Variants in MRPS9 observed in about 807,000 individuals in gnomAD.
MRPS9 encodes small ribosomal subunit protein uS9m.
Under a neutral mutation model 59.9 loss-of-function variants are expected in MRPS9, and 45 were observed. The observed-to-expected ratio is 0.75, with a 90% CI of 0.59 to 0.96. The LOEUF is 0.96. Ranked by LOEUF, MRPS9 falls within the 40% of genes least tolerant of loss-of-function variation. MRPS9 has a pLI of 0.00. For missense variants in MRPS9, 473 were observed against 481.1 expected (o/e 0.98, Z 0.16); for synonymous variants, 171 against 166.8 (o/e 1.03, Z -0.19).
At chr2:105,098,299 T>C (rs4556996) in intron 10 of MRPS9, 113,513 of 152,148 alleles carry the variant, frequency 0.75, 42,819 homozygotes, top group African/African-American at 0.86. Flanking sequence ...TGTGTGCTAT[T>C]GGCGGCTGCA....
chr2:105,045,527 A>T (rs1217775395), intron 1 of MRPS9, among the ~76,000 whole-genome samples: 1 of 152,134 alleles, frequency 6.6e-6, no homozygotes, highest in Non-Finnish European at 1.5e-5. Flanking sequence ...CTAAAACTTA[A>T]ATGAAAAAGA....
At position 105,049,170 on chromosome 2, in the gene MRPS9, G is replaced by A. The variant is rs1679662974; in HGVS notation, c.136-1G>A. 1 of 1,555,984 alleles carries A rather than the reference G, an allele frequency of 6.4e-7. No individual in the cohort carries two copies. The highest frequency in any genetic ancestry group is 1.4e-5 in the African/African-American group (1 of 72,056). Reference sequence around the variant, plus strand: ...TTCTTTCCATCTATATTTTCTGTTAGATATTAAGGCTAAGACATACTGCAT... The same window carrying A: ...TTCTTTCCATCTATATTTTCTGTTAAATATTAAGGCTAAGACATACTGCAT... On this transcript the variant is annotated splice_acceptor_variant, in intron 1 of 10. Transcript: ENST00000258455. LOFTEE classifies it high-confidence loss of function.
At chr2:105,081,429 T>G (rs1478067956) in intron 5 of MRPS9, among the ~76,000 whole-genome samples, 1 of 152,240 alleles carries the variant, frequency 6.6e-6, no homozygotes, top group Admixed American at 6.5e-5. Flanking sequence ...ATTCTCTTCC[T>G]GCCTTCTGCC....
intron 1 of MRPS9, among the ~76,000 whole-genome samples, chr2:105,046,203 T>A (rs1402554446): frequency 6.6e-6 from 1 of 152,000 alleles, no homozygotes; most frequent in East Asian, 1.9e-4. Context: ...CTGTCTATAC[T>A]TTACAACCAC....
chr2:105,059,474 A>G (rs1228250829), intron 2 of MRPS9, among the ~76,000 whole-genome samples: 1 of 152,192 alleles, frequency 6.6e-6, no homozygotes, highest in African/African-American at 2.4e-5. Flanking sequence ...GCTAAACCAA[A>G]TACAAACCCA....
At chr2:105,094,535 C>A (rs1389440656) in intron 9 of MRPS9, among the ~76,000 whole-genome samples, 1 of 152,014 alleles carries the variant, frequency 6.6e-6, no homozygotes, top group Non-Finnish European at 1.5e-5. Flanking sequence ...CTTTTGATAC[C>A]AATGCTGATA....
chr2:105,053,182 T>C (rs964978802), intron 2 of MRPS9, among the ~76,000 whole-genome samples: 7 of 152,254 alleles, frequency 4.6e-5, no homozygotes, highest in Non-Finnish European at 1.0e-4. Context: ...GTGTAAGTAT[T>C]AAACATGAAT....
chr2:105,062,433 A>G (rs533333184), intron 2 of MRPS9, among the ~76,000 whole-genome samples: 1 of 152,300 alleles, frequency 6.6e-6, no homozygotes, highest in Admixed American at 6.5e-5. Context: ...AGATCTAAGT[A>G]CTGAAACACT....
chr2:105,074,916 T>A (rs1352033782), intron 4 of MRPS9, among the ~76,000 whole-genome samples: 1 of 152,146 alleles, frequency 6.6e-6, no homozygotes, highest in Non-Finnish European at 1.5e-5. Context: ...TCAAGCTCAT[T>A]ACATTTATTG....
At chr2:105,085,841 T>C (rs979980251) in intron 5 of MRPS9, among the ~76,000 whole-genome samples, 2 of 152,170 alleles carry the variant, frequency 1.3e-5, no homozygotes, top group African/African-American at 4.8e-5. Flanking sequence ...TTCTCTAGTG[T>C]CCCTTAAAAA....
intron 7 of MRPS9, chr2:105,091,542 T>A (rs902510202): frequency 6.7e-6 from 2 of 297,758 alleles, no homozygotes; most frequent in Non-Finnish European, 1.4e-5. Context: ...GTGAGATTTT[T>A]AAAAATTTCA....
rs1680754565 is a variant in MRPS9 at position 105,099,893 on chromosome 2, A to G, written c.*132A>G. 1.7e-5 allele frequency: 10 copies of G among 596,986 alleles called. 1 individual carries two copies. The South Asian group carries it at 2.7e-4, about 16-fold the overall frequency. The allele number at this position is 596,986 out of a possible 1,614,324, so 37.0% of individuals were successfully genotyped here. ...TTTCTTTGAGCTGTGAGATGGATTT[A>G]TTTTTAAATGCTACTTTGTAAAGGT... On this transcript the variant is annotated 3_prime_UTR_variant, in exon 11 of 11. Coordinates refer to ENST00000258455, the MANE Select transcript of MRPS9 (RefSeq NM_182640.3).
chr2:105,051,494 T>C (rs966832238), intron 2 of MRPS9, among the ~76,000 whole-genome samples: 3 of 152,214 alleles, frequency 2.0e-5, no homozygotes, highest in African/African-American at 7.2e-5. Flanking sequence ...TCCTTCTTGC[T>C]TTTAAAGACT....
intron 2 of MRPS9, among the ~76,000 whole-genome samples, chr2:105,060,203 A>T (rs757299223): frequency 2.0e-5 from 3 of 152,074 alleles, no homozygotes; most frequent in Non-Finnish European, 4.4e-5. Context: ...TAATTATCTT[A>T]TTTGAAATAC....
intron 2 of MRPS9, among the ~76,000 whole-genome samples, chr2:105,052,602 G>A (rs1679732438): frequency 6.6e-6 from 1 of 152,076 alleles, no homozygotes; most frequent in Non-Finnish European, 1.5e-5. Flanking sequence ...TGTTTGTCTG[G>A]TTTTGATATT....
intron 5 of MRPS9, among the ~76,000 whole-genome samples, chr2:105,080,733 T>C (rs987809930): frequency 6.6e-6 from 1 of 152,246 alleles, no homozygotes; most frequent in South Asian, 2.1e-4. Context: ...TTACTCATTA[T>C]ATGATTTTTT....
chr2:105,064,618 G>C (rs1288800697), intron 2 of MRPS9, among the ~76,000 whole-genome samples: 1 of 152,186 alleles, frequency 6.6e-6, no homozygotes, highest in Non-Finnish European at 1.5e-5. Flanking sequence ...CAAGGATGGG[G>C]AGGGAACGGA....
intron 7 of MRPS9, 117 bp from the exon 8 acceptor site, chr2:105,092,284 T>C (rs939496028): frequency 1.2e-6 from 1 of 856,342 alleles, no homozygotes; most frequent in Non-Finnish European, 1.7e-6. Context: ...AGAAGTGTCA[T>C]CCTGTCAAAA....
chr2:105,093,584 G>A lies in MRPS9; in HGVS notation c.875G>A (p.Arg292Lys). 6.2e-7 allele frequency: 1 copy of A among 1,606,516 alleles called. No individual in the cohort carries two copies. The highest frequency in any genetic ancestry group is 8.5e-7 in the Non-Finnish European group (1 of 1,176,364). Residue 292 changes from arginine to lysine, a missense_variant, in exon 9 of 11, where the codon AGA becomes AAA. Transcript: ENST00000258455. ...EAIVYKHGSGRIKVNGIDYQL... is the reference protein window; with the variant it reads ...EAIVYKHGSGKIKVNGIDYQL... ...ATTGTTTATAAACATGGAAGTGGAA[G>A]AATAAAAGTAAATGGAATTGATTAC...
Sources: gnomAD v4.1 joint callset for allele counts (sites outside exome capture counted in the v4.1 genomes callset) on GRCh38, gnomAD v4.1.1 for gene constraint, MANE v1.5 for transcripts, NCBI Gene and HGNC (gene_info 2026-07-23, HGNC 2026-07-21) for gene names.